Variants in SLC39A10 observed in about 807,000 individuals in gnomAD.
SLC39A10 encodes solute carrier family 39 member 10.
SLC39A10 carries 13 observed loss-of-function variants against 65.1 expected under a neutral mutation model. The observed-to-expected ratio is 0.20, with a 90% CI of 0.13 to 0.32. SLC39A10 has a LOEUF of 0.32. Ranked by LOEUF, SLC39A10 falls within the 10% of genes least tolerant of loss-of-function variation. SLC39A10 has a pLI of 1.00. For synonymous variants in SLC39A10, 321 were observed against 342.2 expected, an observed-to-expected ratio of 0.94 and a Z score of 0.68; for missense variants, 831 against 1,018.4, an observed-to-expected ratio of 0.82 and a Z score of 2.50.
At chr2:195,619,861 G>A (rs1224711377) in intron 2 of SLC39A10, among the ~76,000 whole-genome samples, 4 of 152,120 alleles carry the variant, frequency 2.6e-5, no homozygotes, top group Admixed American at 2.0e-4. Flanking sequence ...ATGTCCAAGT[G>A]TGGCCTCCAG....
chr2:195,647,872 A>G (rs1349423382), intron 2 of SLC39A10, among the ~76,000 whole-genome samples: 2 of 152,186 alleles, frequency 1.3e-5, no homozygotes, highest in Admixed American at 1.3e-4. Context: ...GCTTAAAGAT[A>G]TATCCCTTAA....
chr2:195,644,004 T>C (rs1688859992), intron 2 of SLC39A10, among the ~76,000 whole-genome samples: 2 of 152,222 alleles, frequency 1.3e-5, no homozygotes, highest in Non-Finnish European at 2.9e-5. Flanking sequence ...GCAGTAAATA[T>C]TTAAAAGATG....
chr2:195,631,207 T>G (rs904731204), intron 2 of SLC39A10, among the ~76,000 whole-genome samples: 10 of 151,630 alleles, frequency 6.6e-5, no homozygotes, highest in African/African-American at 2.4e-4. Flanking sequence ...TATATCTATA[T>G]ATATAGAGAT....
At chr2:195,702,422 G>C (rs1691225758) in intron 3 of SLC39A10, among the ~76,000 whole-genome samples, 1 of 152,178 alleles carries the variant, frequency 6.6e-6, no homozygotes, top group Non-Finnish European at 1.5e-5. Flanking sequence ...AAATTGATCA[G>C]AATTAACCAC....
intron 2 of SLC39A10, among the ~76,000 whole-genome samples, chr2:195,618,353 C>CAAA (rs34831034): frequency 7.7e-5 from 8 of 103,970 alleles, no homozygotes; most frequent in Non-Finnish European, 1.5e-4. Flanking sequence ...TCCGTCTCAC[C>CAAA]AAAAAAAAAA....
At chr2:195,733,040 T>C (rs1440953919) in intron 9 of SLC39A10, among the ~76,000 whole-genome samples, 3 of 152,242 alleles carry the variant, frequency 2.0e-5, no homozygotes, top group Non-Finnish European at 4.4e-5. Flanking sequence ...TTCTTAAATA[T>C]GACCTTTAAG....
Position 195,737,118 on chromosome 2 carries a change from T to C in SLC39A10, c.*2077T>C, listed in dbSNP as rs1393314449. On this transcript the variant is annotated 3_prime_UTR_variant, in exon 10 of 10. Coordinates refer to ENST00000359634, the MANE Select transcript of SLC39A10 (RefSeq NM_020342.3). Reference sequence around the variant, plus strand: ...ATTCTCTCAAAAATGGTATTATCTTTCTTTATTTGCTAGATTCTTACAAAT... The same window carrying C: ...ATTCTCTCAAAAATGGTATTATCTTCCTTTATTTGCTAGATTCTTACAAAT... 1 of 152,580 alleles carries C rather than the reference T, an allele frequency of 6.6e-6. No homozygotes were observed. Among genetic ancestry groups the C allele is most frequent in the Admixed American group, 6.5e-5 (1 of 15,282 alleles). The allele number at this position is 152,580 out of a possible 1,614,324, so 9.5% of individuals were successfully genotyped here.
At chr2:195,624,655 A>C (rs2105690419) in intron 2 of SLC39A10, among the ~76,000 whole-genome samples, 1 of 148,866 alleles carries the variant, frequency 6.7e-6, no homozygotes, top group South Asian at 2.1e-4. Flanking sequence ...CGGGTGGATC[A>C]CCTGAGGTCA....
intron 8 of SLC39A10, among the ~76,000 whole-genome samples, chr2:195,724,704 A>T (rs1692173207): frequency 1.3e-5 from 2 of 152,180 alleles, no homozygotes; most frequent in African/African-American, 4.8e-5. Context: ...AGGTTCAGGG[A>T]CCAGAAGACT....
chr2:195,638,464 C>T (rs978546028), intron 2 of SLC39A10, among the ~76,000 whole-genome samples: 3 of 151,988 alleles, frequency 2.0e-5, no homozygotes, highest in African/African-American at 4.8e-5. Context: ...CTTAGCCTCC[C>T]GAGTAGCTGA....
At chr2:195,653,642 C>A (rs1020090002), upstream of SLC39A10, among the ~76,000 whole-genome samples, 4 of 152,192 alleles carry the variant, frequency 2.6e-5, no homozygotes, top group African/African-American at 9.7e-5. Context: ...CATGTTTAAC[C>A]ATCCATTCCC....
intron 8 of SLC39A10, among the ~76,000 whole-genome samples, chr2:195,719,439 A>G (rs905222388): frequency 6.6e-6 from 1 of 152,104 alleles, no homozygotes; most frequent in Non-Finnish European, 1.5e-5. Flanking sequence ...ATTTCTTCCC[A>G]TCAGAGATAG....
At chr2:195,617,601 T>C (rs1215614595) in intron 2 of SLC39A10, among the ~76,000 whole-genome samples, 2 of 151,994 alleles carry the variant, frequency 1.3e-5, no homozygotes, top group African/African-American at 4.8e-5. Context: ...CCGAGCATGG[T>C]GGCTCACGCC....
chr2:195,660,735 T>C (rs1449652583), intron 1 of SLC39A10, among the ~76,000 whole-genome samples: 3 of 152,172 alleles, frequency 2.0e-5, no homozygotes, highest in Non-Finnish European at 2.9e-5. Flanking sequence ...GAAATTTACG[T>C]ATGGGATTGT....
intron 7 of SLC39A10, 195 bp downstream of exon 7, chr2:195,717,200 C>T (rs1383081932): frequency 1.9e-5 from 11 of 571,586 alleles, no homozygotes; most frequent in African/African-American, 5.7e-5. Flanking sequence ...TTTTAGAACA[C>T]GTAAACAAAT....
chr2:195,661,176 A>G (rs373776189), intron 1 of SLC39A10, among the ~76,000 whole-genome samples: 3 of 152,200 alleles, frequency 2.0e-5, no homozygotes, highest in East Asian at 1.9e-4. Flanking sequence ...TCTGTAGTCA[A>G]TGCAAACTCT....
chr2:195,713,585 T>G, intron 6 of SLC39A10, 32 bp downstream of exon 6: 2 of 1,550,276 alleles, frequency 1.3e-6, no homozygotes, highest in Non-Finnish European at 1.7e-6. Flanking sequence ...AGACAAACTT[T>G]TTTCTTTTTT....
At chr2:195,718,199 G>C in intron 7 of SLC39A10, 53 bp from the exon 8 acceptor site, 1 of 1,418,988 alleles carries the variant, frequency 7.0e-7, no homozygotes, top group Non-Finnish European at 9.8e-7. Context: ...TAATGAAAAT[G>C]TGAAGAGTTA....
chr2:195,643,905 A>T (rs1252450877), intron 2 of SLC39A10, among the ~76,000 whole-genome samples: 1 of 152,240 alleles, frequency 6.6e-6, no homozygotes, highest in Non-Finnish European at 1.5e-5. Flanking sequence ...TGGTTAATCT[A>T]GAATTGGCTG....
Sources: gnomAD v4.1 joint callset for allele counts (sites outside exome capture counted in the v4.1 genomes callset) on GRCh38, gnomAD v4.1.1 for gene constraint, MANE v1.5 for transcripts, NCBI Gene and HGNC (gene_info 2026-07-23, HGNC 2026-07-21) for gene names.